The following SUPT7L variants were observed in gnomAD, a reference collection of about 807,000 sequenced individuals.
SUPT7L encodes STAGA complex 65 subunit gamma.
A neutral mutation model predicts 35.7 loss-of-function variants in SUPT7L; 15 were observed. The ratio of observed to expected loss-of-function variants is 0.42; its 90% CI spans 0.28 to 0.65. The LOEUF is 0.65. Ranked by LOEUF, SUPT7L falls within the 30% of genes least tolerant of loss-of-function variation. The pLI, the probability that SUPT7L is intolerant of heterozygous loss-of-function variation, is 0.23. For missense variants in SUPT7L, 434 were observed against 522.2 expected, an observed-to-expected ratio of 0.83 and a Z score of 1.65; for synonymous variants, 168 against 186.2, an observed-to-expected ratio of 0.90 and a Z score of 0.79.
At chr2:27,644,266 TATAA>T in the SUPT7L span, among the ~76,000 whole-genome samples, 2 of 152,248 alleles carry the variant, frequency 1.3e-5, no homozygotes, top group African/African-American at 4.8e-5. Context: ...GCTTTGAGAC[TATAA>T]ATATCCTTTT....
At chr2:27,658,798 G>A (rs765067365) in intron 3 of SUPT7L, among the ~76,000 whole-genome samples, 16 of 152,178 alleles carry the variant, frequency 1.1e-4, no homozygotes, top group Non-Finnish European at 2.2e-4. Context: ...TGGGCCAAAA[G>A]CTAAAGGCCT....
chr2:27,660,235 T>C (rs1366738522), intron 3 of SUPT7L, among the ~76,000 whole-genome samples: 1 of 144,246 alleles, frequency 6.9e-6, no homozygotes, highest in Admixed American at 6.9e-5. Flanking sequence ...TTATTATTTC[T>C]TTTTTTTTTT....
Position 27,655,719 on chromosome 2 carries a change from C to T in SUPT7L, c.745-117G>A, listed in dbSNP as rs1434669251. On this transcript the variant is annotated intron_variant, in intron 4 of 5. Transcript: ENST00000337768. ...ATGAATAACAGAATTTTAAAACATT[C>T]ACTGCCAATGGGAGGGATTTGTTTA... 3 of 863,014 alleles carry T rather than the reference C, an allele frequency of 3.5e-6. No homozygotes were observed. In the African/African-American group the frequency reaches 5.1e-5, roughly 15 times the overall value. 53.5% of individuals were successfully genotyped at this position (863,014 alleles called of 1,614,324 possible).
chr2:27,660,128 G>A (rs748158184), intron 3 of SUPT7L, among the ~76,000 whole-genome samples: 4 of 152,188 alleles, frequency 2.6e-5, no homozygotes, highest in South Asian at 2.1e-4. Flanking sequence ...ACTGGGTGAG[G>A]CCTGAGATTC....
chr2:27,648,438 G>C (rs761630077), downstream of SUPT7L, among the ~76,000 whole-genome samples: 1 of 152,176 alleles, frequency 6.6e-6, no homozygotes, highest in Non-Finnish European at 1.5e-5. Flanking sequence ...TGGGTTGCTT[G>C]AGCCCAGAAG....
intron 1 of SUPT7L, among the ~76,000 whole-genome samples, chr2:27,663,044 T>G (rs915601944): frequency 1.5e-5 from 2 of 131,650 alleles, no homozygotes; most frequent in African/African-American, 5.8e-5. Context: ...CGCCTCAGCC[T>G]CCCAAAATGT....
At chr2:27,647,567 T>C (rs767216984), downstream of SUPT7L, among the ~76,000 whole-genome samples, 37 of 152,190 alleles carry the variant, frequency 2.4e-4, no homozygotes, top group Non-Finnish European at 4.6e-4. Context: ...AAAAGAATGA[T>C]GCTACTAGTA....
chr2:27,648,506 A>G (rs1340357793), downstream of SUPT7L, among the ~76,000 whole-genome samples: 1 of 152,220 alleles, frequency 6.6e-6, no homozygotes, highest in Non-Finnish European at 1.5e-5. Flanking sequence ...GTGACAGAGT[A>G]AGACCATCTC....
intron 3 of SUPT7L, among the ~76,000 whole-genome samples, chr2:27,659,275 C>T (rs1674944447): frequency 6.6e-6 from 1 of 152,192 alleles, no homozygotes; most frequent in Admixed American, 6.5e-5. Flanking sequence ...GCAATGCAAC[C>T]CCTGTGTATT....
rs1204573341 is a variant in SUPT7L at position 27,661,340 on chromosome 2, G to A, written c.63C>T (p.Ser21=). ...PISSSQTNRS[S]FDLLPREFRL... The stretch of plus-strand genomic sequence containing the variant: ...GGAACTCCCGTGGGAGCAAATCGAA[G>A]GAACTTCTGTTGGTCTGGCTTGATG... The change falls in exon 3 of 6, where the codon TCC becomes TCT. Residue 21 remains serine (S), a synonymous_variant. Transcript: ENST00000337768. The A allele has an allele frequency of 2.5e-6, 4 of 1,614,096 alleles. No homozygotes were observed. The highest frequency in any genetic ancestry group is 2.2e-5 in the South Asian group (2 of 91,080).
At chr2:27,648,510 C>A (rs936522597), downstream of SUPT7L, among the ~76,000 whole-genome samples, 1 of 152,112 alleles carries the variant, frequency 6.6e-6, no homozygotes, top group African/African-American at 2.4e-5. Flanking sequence ...CAGAGTAAGA[C>A]CATCTCAAAA....
chr2:27,646,525 C>T (rs866684639), downstream of SUPT7L, among the ~76,000 whole-genome samples: 2 of 152,024 alleles, frequency 1.3e-5, no homozygotes, highest in African/African-American at 4.8e-5. Flanking sequence ...TTATCATTGG[C>T]TCTGCAGGGG....
At chr2:27,650,312 A>G (rs1674466757), downstream of SUPT7L, 1 of 582,542 alleles carries the variant, frequency 1.7e-6, no homozygotes, top group African/African-American at 1.9e-5. Context: ...AATTTTCCTC[A>G]GAGTAGCAAA....
intron 5 of SUPT7L, 100 bp downstream of exon 5, chr2:27,655,265 G>A: frequency 9.3e-7 from 1 of 1,080,904 alleles, no homozygotes; most frequent in Non-Finnish European, 1.3e-6. Flanking sequence ...GCCCACTGCT[G>A]CTTTTGTTCT....
At chr2:27,650,174 C>T (rs1284521588), downstream of SUPT7L, 1 of 1,600,868 alleles carries the variant, frequency 6.2e-7, no homozygotes. Context: ...ATCGATGGCA[C>T]AATACTGGAA....
rs1675070820 is a variant in SUPT7L at position 27,660,973 on chromosome 2, C to A, written c.419+11G>T. On this transcript the variant is annotated intron_variant, in intron 3 of 5. Coordinates refer to ENST00000337768, the MANE Select transcript of SUPT7L (RefSeq NM_014860.3). ...TTGAGAAAAGTAAGATACAGCAAAG[C>A]CTTGCCTTACCGATAAAAGTCACTC... The A allele has an allele frequency of 6.2e-7, 1 of 1,610,076 alleles. No individual in the cohort carries two copies. Among genetic ancestry groups the A allele is most frequent in the South Asian group, 1.1e-5 (1 of 90,650 alleles).
chr2:27,655,215 A>G (rs865806145), intron 5 of SUPT7L, 150 bp downstream of exon 5: 5 of 608,964 alleles, frequency 8.2e-6, no homozygotes, highest in African/African-American at 7.3e-5. Flanking sequence ...TGGGATCTCT[A>G]GATAGGTGAA....
In SUPT7L at chr2:27,651,173, C is replaced by T. The variant is rs947033969; in HGVS notation, c.*2312G>A. The stretch of plus-strand genomic sequence containing the variant: ...CATTTTACAGTATCTTAAAACAGTA[C>T]ATTTCTTTCAAAGAATTTTATCTCT... On this transcript the variant is annotated 3_prime_UTR_variant, in exon 6 of 6. Coordinates refer to ENST00000337768, the MANE Select transcript of SUPT7L (RefSeq NM_014860.3). The T allele has an allele frequency of 3.3e-5, 5 of 152,482 alleles. No individual in the cohort carries two copies. Among genetic ancestry groups the T allele is most frequent in the Middle Eastern group, 3.4e-3 (1 of 294 alleles). 9.4% of individuals were successfully genotyped at this position (152,482 alleles called of 1,614,324 possible).
rs760573919 is a variant in SUPT7L at position 27,656,859 on chromosome 2, G to C, written c.744+486C>G. Among the ~76,000 whole-genome samples the C allele has an allele frequency of 7.8e-4, 118 of 150,850 alleles. 1 individual carries two copies. Among genetic ancestry groups the C allele is most frequent in the Non-Finnish European group, 5.2e-4 (35 of 67,558 alleles). ...TCACTATATTGTCCAGGCTGGTCTT[G>C]AACTCCTGGCCTCAAGCAATCCTCC... On this transcript the variant is annotated intron_variant, in intron 4 of 5. Coordinates refer to ENST00000337768, the MANE Select transcript of SUPT7L (RefSeq NM_014860.3).
Sources: gnomAD v4.1 joint callset for allele counts (sites outside exome capture counted in the v4.1 genomes callset) on GRCh38, gnomAD v4.1.1 for gene constraint, MANE v1.5 for transcripts, NCBI Gene and HGNC (gene_info 2026-07-23, HGNC 2026-07-21) for gene names.